Variants in FAM185A observed in about 807,000 individuals in gnomAD.
The protein encoded by FAM185A is family with sequence similarity 185 member A, also known as protein FAM185A.
A neutral mutation model predicts 45.7 loss-of-function variants in FAM185A; 21 were observed. That is an observed-to-expected ratio of 0.46 (90% CI 0.33 to 0.66). The LOEUF (loss-of-function observed/expected upper bound fraction) is 0.66, where lower values mean the gene tolerates loss of function less well. Ranked by LOEUF, FAM185A falls within the 30% of genes least tolerant of loss-of-function variation. FAM185A has a pLI of 0.03. For missense variants in FAM185A, 305 were observed against 485.4 expected, an observed-to-expected ratio of 0.63 and a Z score of 3.49; for synonymous variants, 117 against 194.0, an observed-to-expected ratio of 0.60 and a Z score of 3.30.
chr7:102,774,436 C>A (rs537914373), intron 5 of FAM185A, among the ~76,000 whole-genome samples: 2,767 of 151,740 alleles, frequency 0.018, 94 homozygotes, highest in African/African-American at 0.063. Flanking sequence ...CTTGCCTTAT[C>A]AGACTAGCTA....
downstream of FAM185A, among the ~76,000 whole-genome samples, chr7:102,811,078 A>G (rs1343160734): frequency 1.3e-5 from 2 of 152,224 alleles, no homozygotes; most frequent in Admixed American, 6.5e-5. Context: ...ACTATTAAGT[A>G]GAGGAAACTG....
the FAM185A span, among the ~76,000 whole-genome samples, chr7:102,819,739 C>T: frequency 0.014 from 2,125 of 152,240 alleles, 116 homozygotes; most frequent in East Asian, 0.16. Context: ...TTCACCCAGA[C>T]AAATCAAAGC....
At chr7:102,781,905 G>GAA (rs1177778616) in intron 6 of FAM185A, among the ~76,000 whole-genome samples, 1 of 151,822 alleles carries the variant, frequency 6.6e-6, no homozygotes. Context: ...TAAAAACCTT[G>GAA]AAAAAAAATT....
chr7:102,778,950 C>T (rs1357306474), intron 6 of FAM185A, among the ~76,000 whole-genome samples: 2 of 152,194 alleles, frequency 1.3e-5, no homozygotes, highest in East Asian at 1.9e-4. Flanking sequence ...TCAACATTTT[C>T]TGATGTGGAA....
rs564611190 is a variant in FAM185A, at chr7:102,786,407, T to C, written c.932-928T>C. Among the ~76,000 whole-genome samples, 932 of 152,264 alleles carry C rather than the reference T, an allele frequency of 6.1e-3. 9 individuals are homozygous for C. The highest frequency in any genetic ancestry group is 0.021 in the African/African-American group (856 of 41,530). On this transcript the variant is annotated intron_variant, in intron 6 of 7. Transcript: ENST00000413034. ...ATGTTTATCGTGGCACTATTCACAA[T>C]AGCAAAGACTTGGAACCAACCCAAA... is the stretch of plus-strand genomic sequence containing the variant.
chr7:102,838,914 C>A, the FAM185A span, among the ~76,000 whole-genome samples: 1 of 152,246 alleles, frequency 6.6e-6, no homozygotes, highest in East Asian at 1.9e-4. Context: ...GGGATGGTCC[C>A]CCAGCCCGAC....
chr7:102,824,400 T>C, the FAM185A span, among the ~76,000 whole-genome samples: 1 of 152,226 alleles, frequency 6.6e-6, no homozygotes, highest in Admixed American at 6.5e-5. Context: ...CATAACTACT[T>C]TTAATGTTCT....
At chr7:102,807,957 A>G (rs1797229187) in intron 7 of FAM185A, among the ~76,000 whole-genome samples, 1 of 152,172 alleles carries the variant, frequency 6.6e-6, no homozygotes, top group African/African-American at 2.4e-5. Context: ...GCTACTTCGG[A>G]GTCTGAGGCC....
chr7:102,804,084 A>G (rs1237481956), intron 7 of FAM185A, among the ~76,000 whole-genome samples: 1 of 152,228 alleles, frequency 6.6e-6, no homozygotes, highest in Non-Finnish European at 1.5e-5. Context: ...GGTAGAATCA[A>G]TATTGTGAAA....
chr7:102,848,955 G>A, the FAM185A span, among the ~76,000 whole-genome samples: 2 of 152,100 alleles, frequency 1.3e-5, no homozygotes, highest in Non-Finnish European at 2.9e-5. Context: ...AGTCGAGATC[G>A]TGCCATTGCA....
At chr7:102,766,195 GTTT>G (rs1794387743) in intron 4 of FAM185A, among the ~76,000 whole-genome samples, 4 of 152,400 alleles carry the variant, frequency 2.6e-5, no homozygotes, top group Admixed American at 2.6e-4. Flanking sequence ...CATGTTACTT[GTTT>G]TTGTGTATTT....
At chr7:102,781,233 G>T (rs1056587891) in intron 6 of FAM185A, among the ~76,000 whole-genome samples, 21 of 152,188 alleles carry the variant, frequency 1.4e-4, no homozygotes, top group Admixed American at 9.2e-4. Flanking sequence ...CTCCACATCT[G>T]GGGGCAGGGC....
chr7:102,810,211 TA>T (rs1379318343), downstream of FAM185A, among the ~76,000 whole-genome samples: 1 of 152,162 alleles, frequency 6.6e-6, no homozygotes, highest in Non-Finnish European at 1.5e-5. Context: ...TTATATTTTT[TA>T]TGATTAAGAT....
intron 3 of FAM185A, among the ~76,000 whole-genome samples, chr7:102,760,540 TCAAA>T (rs202068516): frequency 0.026 from 3,999 of 151,964 alleles, 97 homozygotes; most frequent in Admixed American, 0.073. Context: ...GCAAAAGCAA[TCAAA>T]CAAAGTTGAA....
chr7:102,765,369 A>G (rs1794326373), intron 4 of FAM185A, among the ~76,000 whole-genome samples: 1 of 152,180 alleles, frequency 6.6e-6, no homozygotes, highest in Non-Finnish European at 1.5e-5. Flanking sequence ...GGTAGCATTC[A>G]GGAACTGGAC....
chr7:102,798,231 G>A (rs1444665799), intron 7 of FAM185A, among the ~76,000 whole-genome samples: 11 of 152,168 alleles, frequency 7.2e-5, no homozygotes, highest in Admixed American at 7.2e-4. Flanking sequence ...TAAGGAGGAA[G>A]GCTTTTGAAA....
At chr7:102,826,565 A>G in the FAM185A span, among the ~76,000 whole-genome samples, 5 of 150,802 alleles carry the variant, frequency 3.3e-5, no homozygotes, top group South Asian at 2.1e-4. Flanking sequence ...GTGAAACCCC[A>G]TATCTACAAA....
the FAM185A span, among the ~76,000 whole-genome samples, chr7:102,825,395 C>T: frequency 1.3e-5 from 2 of 152,152 alleles, no homozygotes; most frequent in South Asian, 2.1e-4. Context: ...CCTTGCCATG[C>T]GATTCCCTGC....
At position 102,808,353 on chromosome 7, in the gene FAM185A, T is replaced by C; in HGVS notation, c.1130T>C (p.Val377Ala). The part of the protein sequence containing the change: ...WIKADAPKGT[V>A]SFRRQSWFQS... The stretch of plus-strand genomic sequence containing the variant: ...AAGGCTGATGCCCCAAAAGGCACTG[T>C]AAGTTTTAGAAGGCAAAGTTGGTTT... The change falls in exon 8 of 8, where the codon GTA becomes GCA. Residue 377 changes from valine to alanine, a missense_variant. By Grantham distance (64) the Val-to-Ala change is moderately conservative. This residue lies in a region of FAM185A where 66 missense variants were observed against 74.6 expected (regional missense o/e 0.89). Coordinates refer to ENST00000413034, the MANE Select transcript of FAM185A (RefSeq NM_001145268.2). The C allele has an allele frequency of 6.4e-7, 1 of 1,551,788 alleles. No individual in the cohort carries two copies.
Sources: allele counts gnomAD v4.1 joint callset (sites outside exome capture counted in the v4.1 genomes callset), GRCh38; gene constraint gnomAD v4.1.1; regional missense constraint gnomAD v4.1.1; transcripts MANE v1.5; gene names NCBI Gene and HGNC (gene_info 2026-07-23, HGNC 2026-07-21).